Variants in HOGA1 observed in about 807,000 individuals in gnomAD.
The protein encoded by HOGA1 is 4-hydroxy-2-oxoglutarate aldolase 1.
A neutral mutation model predicts 34.3 loss-of-function variants in HOGA1; 30 were observed. That is an observed-to-expected ratio of 0.87 (90% CI 0.65 to 1.19). The LOEUF (loss-of-function observed/expected upper bound fraction) is 1.19. Among genes scored for constraint, HOGA1 ranks in the 50% most tolerant of loss-of-function variants. The pLI is 0.00. For missense variants in HOGA1, 417 were observed against 436.5 expected (o/e 0.96, Z 0.40); for synonymous variants, 161 against 174.0 (o/e 0.93, Z 0.59).
chr10:97,598,904 G>C lies in HOGA1; in HGVS notation c.340+1G>C, dbSNP rs759407659. On this transcript the variant is annotated splice_donor_variant, in intron 2 of 6. Coordinates refer to ENST00000370646, the MANE Select transcript of HOGA1 (RefSeq NM_138413.4). LOFTEE classifies it high-confidence loss of function. ...CTGCTAGCTGGCTCCGGATGCGAGT[G>C]TGAGCCAGAATGCCCTGGGCCCTGG... 1 of 1,613,874 alleles carries C rather than the reference G, an allele frequency of 6.2e-7. No individual in the cohort carries two copies. The highest frequency in any genetic ancestry group is 1.1e-5 in the South Asian group (1 of 91,080).
At chr10:97,599,967 C>T (rs2041103573) in intron 4 of HOGA1, 100 bp from the exon 5 acceptor site, 2 of 1,481,658 alleles carry the variant, frequency 1.3e-6, no homozygotes, top group Non-Finnish European at 9.4e-7. Flanking sequence ...TTCTTGAGGG[C>T]ATCTCTTTGA....
chr10:97,589,831 G>T, intron 1 of HOGA1: 2 of 1,279,092 alleles, frequency 1.6e-6, no homozygotes, highest in Non-Finnish European at 2.2e-6. Context: ...CCTTCTTGGA[G>T]CTCATCCAGC....
At position 97,601,865 on chromosome 10, in the gene HOGA1, G is replaced by A. The variant is rs773219592; in HGVS notation, c.709G>A (p.Gly237Arg). 1 of 1,612,350 alleles carries A rather than the reference G, an allele frequency of 6.2e-7. No homozygotes were observed. The highest frequency in any genetic ancestry group is 8.5e-7 in the Non-Finnish European group (1 of 1,180,008). The part of the protein sequence containing the change: ...LMASYALGAV[G>R]GVCALANVLG... ...CGTCTTACTTCGTGCAGGAGCTGTGGGGGGCGTCTGCGCCCTGGCCAATGT... is the reference window on the plus strand; with the variant it reads ...CGTCTTACTTCGTGCAGGAGCTGTGAGGGGCGTCTGCGCCCTGGCCAATGT... Residue 237 changes from glycine (G) to arginine (R), a missense_variant, in exon 6 of 7, where the codon GGG becomes AGG. Coordinates refer to ENST00000370646, the MANE Select transcript of HOGA1 (RefSeq NM_138413.4).
Position 97,584,898 on chromosome 10 carries a change from C to A in HOGA1, c.195C>A (p.Gly65=). The change falls in exon 1 of 7, where the codon GGC becomes GGA. Residue 65 remains glycine, a synonymous_variant. Transcript: ENST00000370646. ...GKLEENLHKL[G]TFPFRGFVVQ... ...TGGAGGAGAATCTGCACAAACTGGGCACCTTCCCCTTCCGAGGTAAGTGGG... is the reference window on the plus strand; with the variant it reads ...TGGAGGAGAATCTGCACAAACTGGGAACCTTCCCCTTCCGAGGTAAGTGGG... 3 of 1,614,074 alleles carry A rather than the reference C, an allele frequency of 1.9e-6. No homozygotes were observed. The highest frequency in any genetic ancestry group is 1.7e-6 in the Non-Finnish European group (2 of 1,179,986).
intron 4 of HOGA1, 105 bp from the exon 5 acceptor site, chr10:97,599,962 G>C: frequency 1.3e-6 from 2 of 1,493,020 alleles, no homozygotes. Context: ...GGACTTTCTT[G>C]AGGGCATCTC....
At chr10:97,584,939 A>G (rs755777934) in intron 1 of HOGA1, 25 bp downstream of exon 1, 2 of 1,602,158 alleles carry the variant, frequency 1.2e-6, no homozygotes, top group African/African-American at 2.7e-5. Context: ...CCTCTGTGGG[A>G]CCTGGGGAGA....
chr10:97,587,031 C>T (rs1323838461), intron 1 of HOGA1, among the ~76,000 whole-genome samples: 1 of 152,216 alleles, frequency 6.6e-6, no homozygotes, highest in Non-Finnish European at 1.5e-5. Flanking sequence ...AGGAACTGAG[C>T]CTTCAGGCTT....
intron 1 of HOGA1, chr10:97,590,509 C>T: frequency 6.2e-7 from 1 of 1,612,818 alleles, no homozygotes; most frequent in Non-Finnish European, 8.5e-7. Flanking sequence ...GCCACAGTCA[C>T]CACAGTCACC....
At chr10:97,598,181 GGCA>G (rs1441856437) in intron 1 of HOGA1, among the ~76,000 whole-genome samples, 2 of 152,164 alleles carry the variant, frequency 1.3e-5, no homozygotes, top group Admixed American at 1.3e-4. Context: ...GGTAGAGACA[GGCA>G]GCCATGCTGC....
At chr10:97,598,305 TAAATGCTCTC>T (rs2135720989) in intron 1 of HOGA1, among the ~76,000 whole-genome samples, 1 of 152,360 alleles carries the variant, frequency 6.6e-6, no homozygotes, top group East Asian at 1.9e-4. Flanking sequence ...GGAAACATTC[TAAATGCTCTC>T]AACAAGAGAA....
intron 1 of HOGA1, among the ~76,000 whole-genome samples, chr10:97,586,384 C>T (rs1199783384): frequency 2.0e-5 from 3 of 152,220 alleles, no homozygotes; most frequent in Non-Finnish European, 4.4e-5. Context: ...TGCTTTGTGA[C>T]TGTGACCCCT....
chr10:97,598,903 T>A lies in HOGA1; in HGVS notation c.340T>A (p.Ser114Thr). ...RLLLAGSGCE[S>T]TQATVEMTVS... ...CCTGCTAGCTGGCTCCGGATGCGAGTGTGAGCCAGAATGCCCTGGGCCCTG... is the reference window on the plus strand; with the variant it reads ...CCTGCTAGCTGGCTCCGGATGCGAGAGTGAGCCAGAATGCCCTGGGCCCTG... The change falls in exon 2 of 7, where the codon TCC becomes ACC. Residue 114 changes from serine (S) to threonine (T), a missense_variant and splice_region_variant. Transcript: ENST00000370646. The A allele has an allele frequency of 6.2e-7, 1 of 1,613,716 alleles. No homozygotes were observed. Among genetic ancestry groups the A allele is most frequent in the Non-Finnish European group, 8.5e-7 (1 of 1,179,988 alleles).
Position 97,611,712 on chromosome 10 carries a change from A to C in HOGA1, c.*53A>C. 2 of 1,580,314 alleles carry C rather than the reference A, an allele frequency of 1.3e-6. No homozygotes were observed. Among genetic ancestry groups the C allele is most frequent in the Non-Finnish European group, 1.7e-6 (2 of 1,166,066 alleles). On this transcript the variant is annotated 3_prime_UTR_variant, in exon 7 of 7. Transcript: ENST00000370646. ...AGCCCATCTCAGCCTCCTGCCTTGC[A>C]CTTGCAGCCTGAAGCGGAGAGCACA...
intron 1 of HOGA1, among the ~76,000 whole-genome samples, chr10:97,585,703 T>C (rs2040964679): frequency 1.3e-5 from 2 of 152,226 alleles, no homozygotes; most frequent in Admixed American, 1.3e-4. Context: ...TCTGACTGCA[T>C]GGCCCATGCT....
chr10:97,600,053 A>G lies in HOGA1; in HGVS notation c.604-14A>G, dbSNP rs764104379. 16 of 1,612,634 alleles carry G rather than the reference A, an allele frequency of 9.9e-6. No individual in the cohort carries two copies. Among genetic ancestry groups the G allele is most frequent in the South Asian group, 3.3e-5 (3 of 91,036 alleles). On this transcript the variant is annotated splice_polypyrimidine_tract_variant and intron_variant, in intron 4 of 6. Transcript: ENST00000370646. ...GCTCTGGGCACAGCTCTCACACCAC[A>G]TTTGCTGTTGCAGGTGACCAGGATT... is the stretch of plus-strand genomic sequence containing the variant.
chr10:97,593,624 A>G (rs994914955), intron 1 of HOGA1, among the ~76,000 whole-genome samples: 1 of 152,218 alleles, frequency 6.6e-6, no homozygotes, highest in African/African-American at 2.4e-5. Context: ...GAAAAAAATA[A>G]AGAACTTCTT....
intron 6 of HOGA1, among the ~76,000 whole-genome samples, chr10:97,605,029 C>G (rs568383484): frequency 6.6e-6 from 1 of 152,014 alleles, no homozygotes; most frequent in Non-Finnish European, 1.5e-5. Context: ...AACAGGTTTT[C>G]GTGTGTCCAT....
intron 6 of HOGA1, among the ~76,000 whole-genome samples, chr10:97,606,726 C>G (rs550885397): frequency 6.6e-6 from 1 of 152,228 alleles, no homozygotes; most frequent in East Asian, 1.9e-4. Flanking sequence ...TTGTTTTAGT[C>G]TAATTTCTTT....
chr10:97,602,759 C>A, intron 6 of HOGA1: 1 of 211,888 alleles, frequency 4.7e-6, no homozygotes, highest in Non-Finnish European at 8.2e-6. Flanking sequence ...CAGCTCAGTG[C>A]AACCTCTGCC....
Sources: gnomAD v4.1 joint callset for allele counts (sites outside exome capture counted in the v4.1 genomes callset) on GRCh38, gnomAD v4.1.1 for gene constraint, MANE v1.5 for transcripts, NCBI Gene and HGNC (gene_info 2026-07-23, HGNC 2026-07-21) for gene names.